The following TEK variants were observed in gnomAD, a reference collection of about 807,000 sequenced individuals.
TEK encodes the protein angiopoietin-1 receptor.
TEK carries 43 observed loss-of-function variants against 131.8 expected under a neutral mutation model. The observed-to-expected ratio is 0.33, with a 90% CI of 0.26 to 0.42. TEK has a LOEUF of 0.42. TEK is among the 10% of genes least tolerant of loss of function. The probability of loss-of-function intolerance (pLI) is 1.00; values close to 1 mark genes in which losing one functional copy is unlikely to be tolerated. For missense variants in TEK, 1,162 were observed against 1,384.4 expected, an observed-to-expected ratio of 0.84 and a Z score of 2.55; for synonymous variants, 580 against 491.6, an observed-to-expected ratio of 1.18 and a Z score of -2.38.
chr9:27,154,329 C>T lies in TEK; in HGVS notation c.53-3502C>T, dbSNP rs139094120. ...TATCCCTCCCTGACCTCAGGTGATC[C>T]GCCTGCCTCAATCTCCCAAAGTGCT... On this transcript the variant is annotated intron_variant, in intron 1 of 22. Transcript: ENST00000380036. Among the ~76,000 whole-genome samples the T allele has an allele frequency of 2.6e-5, 4 of 152,282 alleles. 1 individual carries two copies. Among genetic ancestry groups the T allele is most frequent in the African/African-American group, 9.6e-5 (4 of 41,558 alleles).
chr9:27,176,695 T>A (rs529754112), intron 6 of TEK, among the ~76,000 whole-genome samples: 17 of 152,372 alleles, frequency 1.1e-4, no homozygotes, highest in African/African-American at 4.1e-4. Context: ...TGTGTGGGTG[T>A]GGTGAGAGCA....
Position 27,206,626 on chromosome 9 carries a change from A to G in TEK, c.2409A>G (p.Leu803=). The change falls in exon 15 of 23, where the codon CTA becomes CTG. Residue 803 remains leucine (L), a synonymous_variant. Transcript: ENST00000380036. The part of the protein sequence containing the change: ...AVQFNSGTLA[L]NRKVKNNPDP... Reference sequence around the variant, plus strand: ...AGTTCAACTCAGGGACTCTGGCCCTAAACAGGAAGGTCAAAAACAACCCAG... The same window carrying G: ...AGTTCAACTCAGGGACTCTGGCCCTGAACAGGAAGGTCAAAAACAACCCAG... The G allele has an allele frequency of 6.2e-7, 1 of 1,614,048 alleles. No homozygotes were observed. The highest frequency in any genetic ancestry group is 8.5e-7 in the Non-Finnish European group (1 of 1,179,972).
intron 1 of TEK, among the ~76,000 whole-genome samples, chr9:27,111,341 T>A (rs548308442): frequency 2.0e-5 from 3 of 152,308 alleles, no homozygotes; most frequent in East Asian, 1.9e-4. Flanking sequence ...TAAGCCTCCA[T>A]GAGCATGACT....
intron 9 of TEK, among the ~76,000 whole-genome samples, chr9:27,188,684 C>G (rs552495025): frequency 6.6e-6 from 1 of 152,266 alleles, no homozygotes; most frequent in African/African-American, 2.4e-5. Context: ...CCTTGGACAA[C>G]TTCCTAAGTC....
chr9:27,184,766 G>A (rs192292203), intron 8 of TEK, among the ~76,000 whole-genome samples: 100 of 152,146 alleles, frequency 6.6e-4, no homozygotes, highest in Non-Finnish European at 1.1e-3. Context: ...GGCCAGATAC[G>A]GTGACTCATG....
At chr9:27,165,114 G>T (rs1458257535) in intron 2 of TEK, among the ~76,000 whole-genome samples, 1 of 151,494 alleles carries the variant, frequency 6.6e-6, no homozygotes, top group African/African-American at 2.5e-5. Context: ...ATGCCCCTAA[G>T]AAAACAGGAG....
intron 9 of TEK, among the ~76,000 whole-genome samples, chr9:27,187,564 A>T (rs1824645391): frequency 6.6e-6 from 1 of 152,240 alleles, no homozygotes; most frequent in South Asian, 2.1e-4. Flanking sequence ...CATCAACATT[A>T]GAAAGGATAC....
chr9:27,189,487 G>T (rs148077418), intron 9 of TEK, among the ~76,000 whole-genome samples: 1 of 152,106 alleles, frequency 6.6e-6, no homozygotes, highest in East Asian at 1.9e-4. Flanking sequence ...TTTCTGGGGC[G>T]CTGTCATCCC....
At chr9:27,210,906 C>G (rs1290390274) in intron 16 of TEK, among the ~76,000 whole-genome samples, 1 of 152,108 alleles carries the variant, frequency 6.6e-6, no homozygotes, top group Non-Finnish European at 1.5e-5. Context: ...ATCACAAGGT[C>G]AAGATGTCGA....
chr9:27,143,602 T>A (rs909499691), intron 1 of TEK, among the ~76,000 whole-genome samples: 2 of 152,238 alleles, frequency 1.3e-5, no homozygotes, highest in Non-Finnish European at 1.5e-5. Flanking sequence ...TCTCTGGCTT[T>A]CATGTTTTAG....
At chr9:27,113,470 C>T (rs1245203370) in intron 1 of TEK, among the ~76,000 whole-genome samples, 2 of 152,110 alleles carry the variant, frequency 1.3e-5, no homozygotes, top group Non-Finnish European at 2.9e-5. Context: ...TGCCCGTAGT[C>T]CTAGCTACTC....
intron 2 of TEK, among the ~76,000 whole-genome samples, chr9:27,165,525 C>T (rs1384535831): frequency 6.6e-6 from 1 of 152,148 alleles, no homozygotes; most frequent in Admixed American, 6.5e-5. Flanking sequence ...CCCTCATGCT[C>T]ATATCACAAA....
intron 2 of TEK, among the ~76,000 whole-genome samples, chr9:27,166,636 G>A (rs919137336): frequency 3.3e-5 from 5 of 152,040 alleles, no homozygotes; most frequent in African/African-American, 1.2e-4. Context: ...CTGTATAAAT[G>A]TTGCAATACT....
chr9:27,212,868 C>G lies in TEK; in HGVS notation c.2848C>G (p.Arg950Gly). 1 of 1,614,006 alleles carries G rather than the reference C, an allele frequency of 6.2e-7. No individual in the cohort carries two copies. Among genetic ancestry groups the G allele is most frequent in the African/African-American group, 1.3e-5 (1 of 75,022 alleles). Residue 950 changes from arginine (R) to glycine (G), a missense_variant, in exon 17 of 23, where the codon CGG becomes GGG. By Grantham distance (125) the Arg-to-Gly change is moderately radical. This residue lies in a region of TEK where 107 missense variants were observed against 173.9 expected (regional missense o/e 0.62). Coordinates refer to ENST00000380036, the MANE Select transcript of TEK (RefSeq NM_000459.5). The part of the protein sequence containing the change: ...QLLHFAADVA[R>G]GMDYLSQKQF... The stretch of plus-strand genomic sequence containing the variant: ...CCTTCACTTCGCTGCCGACGTGGCC[C>G]GGGGCATGGACTACTTGAGCCAAAA...
Position 27,132,663 on chromosome 9 carries a change from T to C in TEK, c.52+23021T>C, listed in dbSNP as rs1354009543. Among the ~76,000 whole-genome samples, 7 of 152,352 alleles carry C rather than the reference T, an allele frequency of 4.6e-5. No individual in the cohort carries two copies. The Middle Eastern group carries it at 0.01, about 222-fold the overall frequency. ...ACTATAAAATGAGAACTCTGAGTTA[T>C]TTCAAACTATGGCATTTGTGTGCTT... On this transcript the variant is annotated intron_variant, in intron 1 of 22. Transcript: ENST00000380036.
rs375415150 is a variant in TEK, at chr9:27,169,472, A to T, written c.476-5A>T. On this transcript the variant is annotated splice_polypyrimidine_tract_variant and splice_region_variant and intron_variant, in intron 3 of 22. Coordinates refer to ENST00000380036, the MANE Select transcript of TEK (RefSeq NM_000459.5). ...CTACGGTTCTTCACTCTTCCCTCTT[A>T]CTAGGTTCCTTCATCCATTCAGTGC... 1.2e-6 allele frequency: 2 copies of T among 1,613,746 alleles called. No homozygotes were observed. Among genetic ancestry groups the T allele is most frequent in the African/African-American group, 2.7e-5 (2 of 74,914 alleles).
intron 1 of TEK, among the ~76,000 whole-genome samples, chr9:27,113,561 C>A (rs1821430714): frequency 6.6e-6 from 1 of 151,854 alleles, no homozygotes; most frequent in Non-Finnish European, 1.5e-5. Context: ...GTACTCCAGC[C>A]TGGTGACAGA....
intron 16 of TEK, among the ~76,000 whole-genome samples, chr9:27,211,789 T>A (rs1363658915): frequency 6.6e-6 from 1 of 152,038 alleles, no homozygotes; most frequent in East Asian, 1.9e-4. Context: ...AATTCATACA[T>A]CATTTTAAAA....
rs1176092650 is a variant in TEK, at chr9:27,180,376, A to G, written c.1030+8A>G. 1.2e-6 allele frequency: 2 copies of G among 1,611,954 alleles called. No individual in the cohort carries two copies. Among genetic ancestry groups the G allele is most frequent in the Non-Finnish European group, 1.7e-6 (2 of 1,178,930 alleles). On this transcript the variant is annotated splice_region_variant and intron_variant, in intron 7 of 22. Coordinates refer to ENST00000380036, the MANE Select transcript of TEK (RefSeq NM_000459.5). The stretch of plus-strand genomic sequence containing the variant: ...TCCAGTGTGAGAGAGAAGGTAAAGC[A>G]AGGTAACACTGTAGTCAGGGCCATG...
Sources: allele counts gnomAD v4.1 joint callset (sites outside exome capture counted in the v4.1 genomes callset), GRCh38; gene constraint gnomAD v4.1.1; regional missense constraint gnomAD v4.1.1; transcripts MANE v1.5; gene names NCBI Gene and HGNC (gene_info 2026-07-23, HGNC 2026-07-21).